The following PICALM variants were observed in gnomAD, a reference collection of about 807,000 sequenced individuals.
PICALM encodes phosphatidylinositol-binding clathrin assembly protein.
Under a neutral mutation model 80.5 loss-of-function variants are expected in PICALM, and 40 were observed. The ratio of observed to expected loss-of-function variants is 0.50; its 90% CI spans 0.39 to 0.65. The LOEUF is 0.65. Ranked by LOEUF, PICALM falls within the 30% of genes least tolerant of loss-of-function variation. The pLI is 0.00. For missense variants in PICALM, 676 were observed against 778.9 expected, an observed-to-expected ratio of 0.87 and a Z score of 1.57; for synonymous variants, 288 against 260.3, an observed-to-expected ratio of 1.11 and a Z score of -1.02.
intron 12 of PICALM, among the ~76,000 whole-genome samples, chr11:85,993,225 C>G (rs1565326336): frequency 6.6e-6 from 1 of 151,718 alleles, no homozygotes; most frequent in East Asian, 1.9e-4. Context: ...TAGCTGGGAC[C>G]ACAGGTGTAT....
chr11:85,978,155 C>T (rs1181266691), intron 17 of PICALM: 2 of 1,381,392 alleles, frequency 1.4e-6, no homozygotes, highest in Non-Finnish European at 2.1e-6. Context: ...CAAGTACTTA[C>T]ACAACAGAAA....
rs1441030005 is a variant in PICALM, at chr11:86,033,453, T to TC, written c.131-1843dup. On this transcript the variant is annotated intron_variant, in intron 1 of 19. Transcript: ENST00000393346. ...TATCTCAGGTGTTTGGTACTGTTGT[T>TC]CCTCCTGCCTAGAATTCTCTTCTGC... Among the ~76,000 whole-genome samples the TC allele has an allele frequency of 7.2e-5, 11 of 152,272 alleles. 1 individual carries two copies. Among genetic ancestry groups the TC allele is most frequent in the African/African-American group, 2.4e-4 (10 of 41,546 alleles).
chr11:86,043,646 T>C (rs191473362), intron 1 of PICALM, among the ~76,000 whole-genome samples: 2 of 152,320 alleles, frequency 1.3e-5, no homozygotes, highest in East Asian at 3.9e-4. Flanking sequence ...CATGTGTTCA[T>C]ATGACAGCAT....
intron 1 of PICALM, among the ~76,000 whole-genome samples, chr11:86,059,759 C>G (rs1384140107): frequency 6.6e-6 from 1 of 152,010 alleles, no homozygotes; most frequent in East Asian, 1.9e-4. Flanking sequence ...CAGACCCTGT[C>G]TTTAGTCCAA....
Position 85,957,933 on chromosome 11 carries a change from T to C in PICALM, c.*1113A>G, listed in dbSNP as rs2093574682. On this transcript the variant is annotated 3_prime_UTR_variant, in exon 20 of 20. Coordinates refer to ENST00000393346, the MANE Select transcript of PICALM (RefSeq NM_007166.4). ...CGTTTACTAAACTCTTGGCTAGACA[T>C]TAACTTTAAAGATACTATTTCCCCT... The C allele has an allele frequency of 4.5e-6, 1 of 223,878 alleles. No individual in the cohort carries two copies. Among genetic ancestry groups the C allele is most frequent in the East Asian group, 6.5e-5 (1 of 15,346 alleles). The allele number at this position is 223,878 out of a possible 1,614,324, so 13.9% of individuals were successfully genotyped here.
intron 9 of PICALM, 120 bp from the exon 10 acceptor site, chr11:86,001,278 T>C: frequency 1.1e-6 from 1 of 884,038 alleles, no homozygotes; most frequent in Non-Finnish European, 1.8e-6. Context: ...ACTTAACTTC[T>C]GGATTCAAAT....
intron 3 of PICALM, among the ~76,000 whole-genome samples, chr11:86,023,071 G>A (rs2095594240): frequency 2.0e-5 from 3 of 152,020 alleles, no homozygotes; most frequent in Admixed American, 2.0e-4. Context: ...TCATGACCTT[G>A]ACTTGAAAAC....
At chr11:85,994,140 A>T (rs2094884028) in intron 12 of PICALM, among the ~76,000 whole-genome samples, 1 of 152,212 alleles carries the variant, frequency 6.6e-6, no homozygotes, top group African/African-American at 2.4e-5. Context: ...CTTGCTTCAA[A>T]TATTCAACAG....
At chr11:86,068,588 GAGA>G in intron 1 of PICALM, 60 bp downstream of exon 1, 8 of 1,508,098 alleles carry the variant, frequency 5.3e-6, no homozygotes, top group Non-Finnish European at 7.2e-6. Flanking sequence ...AAGAGAGAGA[GAGA>G]AGGACGCGCG....
At chr11:85,993,228 A>C (rs2094849182) in intron 12 of PICALM, among the ~76,000 whole-genome samples, 1 of 151,980 alleles carries the variant, frequency 6.6e-6, no homozygotes, top group African/African-American at 2.4e-5. Flanking sequence ...CTGGGACCAC[A>C]GGTGTATGGC....
chr11:86,042,439 A>T (rs544848), intron 1 of PICALM, among the ~76,000 whole-genome samples: 94,552 of 151,934 alleles, frequency 0.62, 29,712 homozygotes, highest in African/African-American at 0.7. Context: ...TGAAAGTATT[A>T]CAGTGCTCCA....
chr11:86,057,035 G>C (rs1319299387), intron 1 of PICALM, among the ~76,000 whole-genome samples: 2 of 152,106 alleles, frequency 1.3e-5, no homozygotes, highest in Non-Finnish European at 2.9e-5. Flanking sequence ...ACCGTTAACA[G>C]ATACAGGATC....
intron 12 of PICALM, among the ~76,000 whole-genome samples, chr11:85,993,154 T>G (rs770379139): frequency 2.0e-5 from 3 of 151,752 alleles, no homozygotes; most frequent in Non-Finnish European, 4.4e-5. Flanking sequence ...GGCATAATCA[T>G]AGCTTACTGC....
chr11:85,997,610 A>G (rs1161945271), intron 11 of PICALM, among the ~76,000 whole-genome samples: 1 of 152,184 alleles, frequency 6.6e-6, no homozygotes, highest in Non-Finnish European at 1.5e-5. Context: ...AGCTGGGACT[A>G]CAGGTGCGCA....
At chr11:86,039,873 G>T (rs1283632240) in intron 1 of PICALM, among the ~76,000 whole-genome samples, 2 of 151,690 alleles carry the variant, frequency 1.3e-5, no homozygotes, top group Non-Finnish European at 1.5e-5. Context: ...GCATGGTGGC[G>T]GGAGCCTGTA....
intron 5 of PICALM, among the ~76,000 whole-genome samples, chr11:86,013,118 G>A (rs2095426163): frequency 6.6e-6 from 1 of 152,020 alleles, no homozygotes; most frequent in Non-Finnish European, 1.5e-5. Flanking sequence ...ACCAGCCTGG[G>A]CAACACAGCA....
chr11:85,983,806 C>G (rs1276668290), intron 14 of PICALM, 60 bp downstream of exon 14: 4 of 707,524 alleles, frequency 5.7e-6, no homozygotes, highest in Non-Finnish European at 9.5e-6. Flanking sequence ...CATTATTTTT[C>G]CTTACACAGA....
At chr11:86,020,312 T>G (rs1173206386) in intron 4 of PICALM, among the ~76,000 whole-genome samples, 2 of 151,412 alleles carry the variant, frequency 1.3e-5, no homozygotes, top group African/African-American at 4.9e-5. Flanking sequence ...GATCTATAGA[T>G]TCAATGCAAT....
Position 86,031,498 on chromosome 11 carries a change from T to C in PICALM, c.244A>G (p.Thr82Ala), listed in dbSNP as rs780886080. The change falls in exon 2 of 20, where the codon ACT becomes GCT. Residue 82 changes from threonine to alanine, a missense_variant. This residue lies in a region of PICALM where 285 missense variants were observed against 395.4 expected (regional missense o/e 0.72). Coordinates refer to ENST00000393346, the MANE Select transcript of PICALM (RefSeq NM_007166.4). Reference sequence around the variant, plus strand: ...TTTCCATACACCATCAAATGATGAGTTGTAATGAGAGATTTGAAGACCACC... The same window carrying C: ...TTTCCATACACCATCAAATGATGAGCTGTAATGAGAGATTTGAAGACCACC... Reference protein sequence around the residue: ...WVVVFKSLITTHHLMVYGNER... With the variant: ...WVVVFKSLITAHHLMVYGNER... 8 of 1,612,744 alleles carry C rather than the reference T, an allele frequency of 5.0e-6. No individual in the cohort carries two copies. The African/African-American group carries it at 5.3e-5, about 11-fold the overall frequency.
Sources: allele counts gnomAD v4.1 joint callset (sites outside exome capture counted in the v4.1 genomes callset), GRCh38; gene constraint gnomAD v4.1.1; regional missense constraint gnomAD v4.1.1; transcripts MANE v1.5; gene names NCBI Gene and HGNC (gene_info 2026-07-23, HGNC 2026-07-21).